The following DBNL variants were observed in gnomAD, a reference collection of about 807,000 sequenced individuals.
The protein encoded by DBNL is drebrin-like protein.
Under a neutral mutation model 62.2 loss-of-function variants are expected in DBNL, and 35 were observed. That is an observed-to-expected ratio of 0.56 (90% CI 0.43 to 0.75). DBNL has a LOEUF of 0.75. DBNL is among the 30% of genes least tolerant of loss of function. The pLI is 0.00. For synonymous variants in DBNL, 197 were observed against 218.0 expected (o/e 0.90, Z 0.85); for missense variants, 495 against 578.4 (o/e 0.86, Z 1.48).
chr7:44,068,175 A>G lies in DBNL; in HGVS notation c.*7259A>G, dbSNP rs1234825316. 1.3e-5 allele frequency: 2 copies of G among 152,236 alleles called. No homozygotes were observed. The highest frequency in any genetic ancestry group is 4.8e-5 in the African/African-American group (2 of 41,444). The allele number at this position is 152,236 out of a possible 1,614,324, so 9.4% of individuals were successfully genotyped here. On this transcript the variant is annotated 3_prime_UTR_variant, in exon 13 of 13. Coordinates refer to ENST00000448521, the MANE Select transcript of DBNL (RefSeq NM_001014436.3). ...AAAGCATGGGGCAACCACCTTCTGCAGCTCCTTTCTGCCCCCCTGCGCTGG... is the reference window on the plus strand; with the variant it reads ...AAAGCATGGGGCAACCACCTTCTGCGGCTCCTTTCTGCCCCCCTGCGCTGG...
intron 4 of DBNL, among the ~76,000 whole-genome samples, chr7:44,056,274 G>T (rs1341445073): frequency 1.3e-5 from 2 of 152,164 alleles, no homozygotes; most frequent in African/African-American, 2.4e-5. Context: ...GTTTATGCCT[G>T]TACCATGCTG....
rs1412082658 is a variant in DBNL, at chr7:44,065,488, G to C, written c.*4572G>C. On this transcript the variant is annotated 3_prime_UTR_variant, in exon 13 of 13. Transcript: ENST00000448521. ...AGAAACGGTTCTCCTGGTTCCATGT[G>C]CTCTCGCCGTGCCGGACCATCACGA... 6.2e-7 allele frequency: 1 copy of C among 1,614,056 alleles called. No individual in the cohort carries two copies. The highest frequency in any genetic ancestry group is 8.5e-7 in the Non-Finnish European group (1 of 1,180,024).
At position 44,065,250 on chromosome 7, in the gene DBNL, C is replaced by G; in HGVS notation, c.*4334C>G. 1 of 1,613,866 alleles carries G rather than the reference C, an allele frequency of 6.2e-7. No individual in the cohort carries two copies. The highest frequency in any genetic ancestry group is 1.1e-5 in the South Asian group (1 of 91,084). On this transcript the variant is annotated 3_prime_UTR_variant, in exon 13 of 13. Coordinates refer to ENST00000448521, the MANE Select transcript of DBNL (RefSeq NM_001014436.3). ...TCTGCCTTGTTGAGGCCTGTGAGGC[C>G]CCCGTAATGCCGCTCATTGAGGCGC... is the stretch of plus-strand genomic sequence containing the variant.
intron 1 of DBNL, among the ~76,000 whole-genome samples, chr7:44,046,948 C>T (rs560686224): frequency 6.6e-6 from 1 of 152,210 alleles, no homozygotes; most frequent in Non-Finnish European, 1.5e-5. Flanking sequence ...CTCAAACTTA[C>T]AAGCTGGTTC....
rs912332652 is a variant in DBNL at position 44,067,764 on chromosome 7, C to T, written c.*6848C>T. On this transcript the variant is annotated 3_prime_UTR_variant, in exon 13 of 13. Coordinates refer to ENST00000448521, the MANE Select transcript of DBNL (RefSeq NM_001014436.3). ...CAGGAAGGTGGAGGGAGCATCTTCC[C>T]ATGTCTCTCCCACTGACAGCCACCA... The T allele has an allele frequency of 6.6e-6, 1 of 152,230 alleles. No homozygotes were observed. Among genetic ancestry groups the T allele is most frequent in the African/African-American group, 2.4e-5 (1 of 41,454 alleles). 9.4% of individuals were successfully genotyped at this position (152,230 alleles called of 1,614,324 possible). A position where few individuals can be genotyped will look rare whatever the true frequency, so the allele number is the denominator to read the frequency against.
intron 6 of DBNL, 21 bp from the exon 7 acceptor site, chr7:44,058,108 G>A (rs1168140379): frequency 1.2e-5 from 19 of 1,552,006 alleles, no homozygotes; most frequent in Admixed American, 3.9e-5. Context: ...AGGGCTGAGC[G>A]GGCAGTGGCT....
At position 44,064,793 on chromosome 7, in the gene DBNL, G is replaced by A. The variant is rs767693663; in HGVS notation, c.*3877G>A. The A allele has an allele frequency of 2.6e-6, 3 of 1,136,980 alleles. No individual in the cohort carries two copies. Among genetic ancestry groups the A allele is most frequent in the East Asian group, 5.0e-5 (2 of 40,040 alleles). The allele number at this position is 1,136,980 out of a possible 1,614,324, so 70.4% of individuals were successfully genotyped here. A position where few individuals can be genotyped will look rare whatever the true frequency, so the allele number is the denominator to read the frequency against. On this transcript the variant is annotated 3_prime_UTR_variant, in exon 13 of 13. Transcript: ENST00000448521. ...AGATGAGAAGCCAGCTGGGGCTGCT[G>A]CCCACCCACCCTGCCCAGGCTCCTG...
At position 44,062,984 on chromosome 7, in the gene DBNL, C is replaced by T; in HGVS notation, c.*2068C>T. ...CCCCTCTGTCCCCAGCCTGTTTACA[C>T]AGCAGACACTATGTGACCTTTATGG... On this transcript the variant is annotated 3_prime_UTR_variant, in exon 13 of 13. Coordinates refer to ENST00000448521, the MANE Select transcript of DBNL (RefSeq NM_001014436.3). 1.3e-6 allele frequency: 2 copies of T among 1,577,368 alleles called. No individual in the cohort carries two copies. Among genetic ancestry groups the T allele is most frequent in the African/African-American group, 1.3e-5 (1 of 74,310 alleles).
At chr7:44,050,570 A>G (rs113131317) in intron 2 of DBNL, 49 of 341,022 alleles carry the variant, frequency 1.4e-4, no homozygotes, top group African/African-American at 7.8e-4. Flanking sequence ...CTGCGGTGGG[A>G]AGCTCACCAG....
chr7:44,050,131 C>A (rs996985517), intron 1 of DBNL, 94 bp from the exon 2 acceptor site: 1 of 1,411,390 alleles, frequency 7.1e-7, no homozygotes, highest in African/African-American at 1.4e-5. Flanking sequence ...TCAGCCCAAG[C>A]TCTTTGGGAT....
At position 44,064,793 on chromosome 7, in the gene DBNL, G is replaced by GGCCCCCCCCCCC; in HGVS notation, c.*3877_*3878insGCCCCCCCCCCC. The GGCCCCCCCCCCC allele has an allele frequency of 2.4e-5, 27 of 1,136,848 alleles. No individual in the cohort carries two copies. Among genetic ancestry groups the GGCCCCCCCCCCC allele is most frequent in the East Asian group, 5.0e-5 (2 of 40,030 alleles). The allele number at this position is 1,136,848 out of a possible 1,614,324, so 70.4% of individuals were successfully genotyped here. ...AGATGAGAAGCCAGCTGGGGCTGCT[G>GGCCCCCCCCCCC]CCCACCCACCCTGCCCAGGCTCCTG... On this transcript the variant is annotated 3_prime_UTR_variant, in exon 13 of 13. Transcript: ENST00000448521.
intron 1 of DBNL, 180 bp from the exon 2 acceptor site, chr7:44,050,045 C>T (rs975015869): frequency 5.1e-6 from 3 of 583,694 alleles, no homozygotes; most frequent in Non-Finnish European, 3.2e-6. Flanking sequence ...GAAGGCTGCA[C>T]AGTTGCCTAC....
chr7:44,055,130 A>T (rs915624163), intron 4 of DBNL, among the ~76,000 whole-genome samples: 2 of 152,230 alleles, frequency 1.3e-5, no homozygotes, highest in Non-Finnish European at 2.9e-5. Flanking sequence ...GCTAGATCAT[A>T]TGGTAGTTCT....
Position 44,065,679 on chromosome 7 carries a change from G to A in DBNL, c.*4763G>A. On this transcript the variant is annotated 3_prime_UTR_variant, in exon 13 of 13. Coordinates refer to ENST00000448521, the MANE Select transcript of DBNL (RefSeq NM_001014436.3). Reference sequence around the variant, plus strand: ...GTGGCAGGTGACCAGTAGCTGAGCTGCTGGGGGCTGGGGGCCAGGGGAGTG... The same window carrying A: ...GTGGCAGGTGACCAGTAGCTGAGCTACTGGGGGCTGGGGGCCAGGGGAGTG... 1 of 721,254 alleles carries A rather than the reference G, an allele frequency of 1.4e-6. No homozygotes were observed. Among genetic ancestry groups the A allele is most frequent in the Non-Finnish European group, 2.4e-6 (1 of 413,548 alleles). The allele number at this position is 721,254 out of a possible 1,614,324, so 44.7% of individuals were successfully genotyped here.
rs779691052 is a variant in DBNL at position 44,062,806 on chromosome 7, C to G, written c.*1890C>G. The G allele has an allele frequency of 3.1e-5, 50 of 1,614,090 alleles. No individual in the cohort carries two copies. In the South Asian group the frequency reaches 5.5e-4, roughly 18 times the overall value. ...GGGCAGCCACAGCCTCCATGGCCTTCCGCACCGTTTCCTCATCACCCAGGA... is the reference window on the plus strand; with the variant it reads ...GGGCAGCCACAGCCTCCATGGCCTTGCGCACCGTTTCCTCATCACCCAGGA... On this transcript the variant is annotated 3_prime_UTR_variant, in exon 13 of 13. Transcript: ENST00000448521.
At position 44,064,946 on chromosome 7, in the gene DBNL, C is replaced by A; in HGVS notation, c.*4030C>A. 1 of 1,609,484 alleles carries A rather than the reference C, an allele frequency of 6.2e-7. No homozygotes were observed. The highest frequency in any genetic ancestry group is 1.1e-5 in the South Asian group (1 of 90,818). ...TCGTTCCAGAAGGGCAGGGCCCGGG[C>A]AATGGTGTCCTTGAGGCTCTCGCAG... On this transcript the variant is annotated 3_prime_UTR_variant, in exon 13 of 13. Transcript: ENST00000448521.
At chr7:44,054,830 T>A (rs2096133251) in intron 4 of DBNL, among the ~76,000 whole-genome samples, 1 of 152,106 alleles carries the variant, frequency 6.6e-6, no homozygotes, top group Non-Finnish European at 1.5e-5. Context: ...CATTCTACTC[T>A]CTCCCTCCAT....
At chr7:44,052,792 T>C (rs1585983388) in intron 3 of DBNL, 75 bp from the exon 4 acceptor site, 3 of 1,557,540 alleles carry the variant, frequency 1.9e-6, no homozygotes, top group Non-Finnish European at 2.6e-6. Flanking sequence ...GGACACAGGG[T>C]AGATGTTGGG....
At position 44,064,793 on chromosome 7, in the gene DBNL, G is replaced by GGGCCCCCCCCCCCCC; in HGVS notation, c.*3877_*3878insGGCCCCCCCCCCCCC. On this transcript the variant is annotated 3_prime_UTR_variant, in exon 13 of 13. Transcript: ENST00000448521. ...AGATGAGAAGCCAGCTGGGGCTGCT[G>GGGCCCCCCCCCCCCC]CCCACCCACCCTGCCCAGGCTCCTG... is the stretch of plus-strand genomic sequence containing the variant. 1.3e-5 allele frequency: 15 copies of GGGCCCCCCCCCCCCC among 1,136,942 alleles called. No homozygotes were observed. The highest frequency in any genetic ancestry group is 2.5e-5 in the East Asian group (1 of 40,030). 70.4% of individuals were successfully genotyped at this position (1,136,942 alleles called of 1,614,324 possible). A position where few individuals can be genotyped will look rare whatever the true frequency, so the allele number is the denominator to read the frequency against.
Sources: allele counts gnomAD v4.1 joint callset (sites outside exome capture counted in the v4.1 genomes callset), GRCh38; gene constraint gnomAD v4.1.1; transcripts MANE v1.5; gene names NCBI Gene and HGNC (gene_info 2026-07-23, HGNC 2026-07-21).